Variants in YEATS2 observed in about 807,000 individuals in gnomAD.
The protein encoded by YEATS2 is YEATS domain containing 2, also known as YEATS domain-containing protein 2.
In YEATS2, 77 loss-of-function variants were observed where a neutral mutation model predicts 163.2. That is an observed-to-expected ratio of 0.47 (90% confidence interval 0.39 to 0.57). The LOEUF (loss-of-function observed/expected upper bound fraction) is 0.57, where lower values mean the gene tolerates loss of function less well. Ranked by LOEUF, YEATS2 falls within the 20% of genes least tolerant of loss-of-function variation. The pLI is 0.00. For missense variants in YEATS2, 1,549 were observed against 1,729.8 expected (o/e 0.90, Z 1.85); for synonymous variants, 631 against 645.1 (o/e 0.98, Z 0.33).
At chr3:183,763,763 G>T (rs936461859) in intron 15 of YEATS2, among the ~76,000 whole-genome samples, 2 of 152,066 alleles carry the variant, frequency 1.3e-5, no homozygotes, top group Non-Finnish European at 2.9e-5. Flanking sequence ...ATACTCTAAA[G>T]CTATTAAGTA....
intron 28 of YEATS2, 30 bp from the exon 29 acceptor site, chr3:183,808,000 C>T (rs547853692): frequency 2.6e-5 from 40 of 1,541,328 alleles, no homozygotes; most frequent in South Asian, 1.6e-4. Context: ...AGCAGCGATA[C>T]GAACAAACGG....
At chr3:183,802,927 C>T in intron 25 of YEATS2, 1 of 236,466 alleles carries the variant, frequency 4.2e-6, no homozygotes, top group South Asian at 8.5e-5. Flanking sequence ...GAGACACCAT[C>T]TACCACAACC....
intron 20 of YEATS2, among the ~76,000 whole-genome samples, chr3:183,788,159 A>G (rs1055279669): frequency 5.3e-5 from 8 of 151,878 alleles, no homozygotes; most frequent in Non-Finnish European, 7.4e-5. Flanking sequence ...TTTTAAACCA[A>G]TTGTATTCTT....
intron 26 of YEATS2, chr3:183,803,689 G>C: frequency 2.0e-6 from 1 of 504,322 alleles, no homozygotes; most frequent in South Asian, 2.2e-5. Flanking sequence ...GATCCTTACA[G>C]TGGGAAGGTG....
chr3:183,730,639 A>G (rs1160850078), intron 7 of YEATS2, among the ~76,000 whole-genome samples: 1 of 152,154 alleles, frequency 6.6e-6, no homozygotes, highest in African/African-American at 2.4e-5. Context: ...TGACTGGGGA[A>G]ATTAGTAGAT....
chr3:183,766,858 A>G (rs1319642435), intron 15 of YEATS2, among the ~76,000 whole-genome samples: 1 of 152,140 alleles, frequency 6.6e-6, no homozygotes, highest in East Asian at 1.9e-4. Context: ...TGTATTTTGT[A>G]GAGACTGGTT....
chr3:183,716,912 T>G (rs1033204958), intron 2 of YEATS2, among the ~76,000 whole-genome samples: 1 of 149,154 alleles, frequency 6.7e-6, no homozygotes, highest in African/African-American at 2.4e-5. Context: ...GTTTGTGTCT[T>G]TTTTTTTTTT....
chr3:183,785,703 C>T (rs1175546144), intron 19 of YEATS2, among the ~76,000 whole-genome samples: 2 of 152,020 alleles, frequency 1.3e-5, no homozygotes, highest in East Asian at 1.9e-4. Flanking sequence ...AAATGGTTCT[C>T]CAGTACTAAA....
intron 9 of YEATS2, among the ~76,000 whole-genome samples, chr3:183,749,168 A>C (rs903007748): frequency 6.6e-6 from 1 of 151,810 alleles, no homozygotes; most frequent in African/African-American, 2.4e-5. Context: ...TGGTCTCGAT[A>C]TCCTGACCTT....
In YEATS2 at chr3:183,715,228, T is replaced by C; in HGVS notation, c.66T>C (p.Leu22=). Residue 22 remains leucine, a synonymous_variant, in exon 2 of 31, where the codon CTT becomes CTC. Transcript: ENST00000305135. ...DPDYEDVSVA[L]PNKRHKAIEN... is the part of the protein sequence containing the mutation. ...ATTACGAGGATGTATCTGTGGCCCT[T>C]CCAAATAAGCGGCATAAAGCAATTG... 3 of 1,611,118 alleles carry C rather than the reference T, an allele frequency of 1.9e-6. No homozygotes were observed. Among genetic ancestry groups the C allele is most frequent in the Non-Finnish European group, 2.5e-6 (3 of 1,179,426 alleles).
At chr3:183,740,875 A>G (rs1300663911) in intron 8 of YEATS2, among the ~76,000 whole-genome samples, 1 of 152,196 alleles carries the variant, frequency 6.6e-6, no homozygotes, top group Non-Finnish European at 1.5e-5. Context: ...TAGAGAGGAG[A>G]AGTCAATGCC....
rs146409808 is a variant in YEATS2, at chr3:183,810,937, AG to A, written c.*356del. The A allele has an allele frequency of 4.7e-6, 1 of 212,798 alleles. No individual in the cohort carries two copies. The highest frequency in any genetic ancestry group is 2.3e-5 in the African/African-American group (1 of 43,460). The allele number at this position is 212,798 out of a possible 1,614,324, so 13.2% of individuals were successfully genotyped here. A position where few individuals can be genotyped will look rare whatever the true frequency, so the allele number is the denominator to read the frequency against. On this transcript the variant is annotated 3_prime_UTR_variant, in exon 31 of 31. Transcript: ENST00000305135. ...GGCTCCTTGGGCCCGCCTCCCCAGG[AG>A]GTAGAAAATGAGTGGCAGGCTAGAG... is the stretch of plus-strand genomic sequence containing the variant.
chr3:183,758,699 T>TAG (rs58167546), intron 12 of YEATS2, among the ~76,000 whole-genome samples, 163 bp from the exon 13 acceptor site: 61,748 of 151,530 alleles, frequency 0.41, 13,174 homozygotes, highest in East Asian at 0.65. Context: ...GGATGGGTCC[T>TAG]TAAGGGTTTT....
chr3:183,755,028 A>G (rs1334425201), intron 11 of YEATS2, among the ~76,000 whole-genome samples: 2 of 152,078 alleles, frequency 1.3e-5, no homozygotes, highest in African/African-American at 4.8e-5. Flanking sequence ...GAAGGGGGGA[A>G]AAAAAGAATG....
chr3:183,767,494 A>C (rs1323717678), intron 15 of YEATS2, among the ~76,000 whole-genome samples: 5 of 150,756 alleles, frequency 3.3e-5, no homozygotes, highest in African/African-American at 1.2e-4. Context: ...GATTCTCTTG[A>C]CTCAGCCTCC....
At chr3:183,713,090 A>G (rs1715446242) in intron 1 of YEATS2, among the ~76,000 whole-genome samples, 1 of 152,194 alleles carries the variant, frequency 6.6e-6, no homozygotes, top group East Asian at 1.9e-4. Context: ...AATACAAATT[A>G]AGATGTCCTG....
At chr3:183,703,733 A>C (rs1340355065) in intron 1 of YEATS2, among the ~76,000 whole-genome samples, 1 of 152,104 alleles carries the variant, frequency 6.6e-6, no homozygotes, top group African/African-American at 2.4e-5. Flanking sequence ...ATATATTCTT[A>C]GAGTGTACAT....
intron 27 of YEATS2, chr3:183,806,170 ATCCT>A: frequency 2.5e-6 from 1 of 394,544 alleles, no homozygotes; most frequent in Non-Finnish European, 4.9e-6. Flanking sequence ...AGTTGAAAAT[ATCCT>A]AAGTCAAAAA....
chr3:183,704,384 C>T (rs968848756), intron 1 of YEATS2, among the ~76,000 whole-genome samples: 1 of 152,098 alleles, frequency 6.6e-6, no homozygotes, highest in African/African-American at 2.4e-5. Flanking sequence ...CCATTTTCCT[C>T]TGATGGTGAC....
Sources: gnomAD v4.1 joint callset for allele counts (sites outside exome capture counted in the v4.1 genomes callset) on GRCh38, gnomAD v4.1.1 for gene constraint, MANE v1.5 for transcripts, NCBI Gene and HGNC (gene_info 2026-07-23, HGNC 2026-07-21) for gene names.